The following KCTD1 variants were observed in gnomAD, a reference collection of about 807,000 sequenced individuals.
KCTD1 encodes BTB/POZ domain-containing protein KCTD1.
In KCTD1, 24 loss-of-function variants were observed where a neutral mutation model predicts 66.0. The observed-to-expected ratio is 0.36, with a 90% CI of 0.26 to 0.51. The LOEUF (loss-of-function observed/expected upper bound fraction) is 0.51, where lower values mean the gene tolerates loss of function less well. Ranked by LOEUF, KCTD1 falls within the 20% of genes least tolerant of loss-of-function variation. The pLI is 0.95. For synonymous variants in KCTD1, 511 were observed against 517.2 expected, an observed-to-expected ratio of 0.99 and a Z score of 0.16; for missense variants, 943 against 1,205.2, an observed-to-expected ratio of 0.78 and a Z score of 3.22.
chr18:26,607,506 A>T (rs1987043581), intron 1 of KCTD1, among the ~76,000 whole-genome samples: 1 of 152,246 alleles, frequency 6.6e-6, no homozygotes, highest in Non-Finnish European at 1.5e-5. Flanking sequence ...GATGTTAAGC[A>T]TATGTAATTC....
Position 26,501,150 on chromosome 18 carries a change from T to C in KCTD1, c.1910A>G (p.Asn637Ser), listed in dbSNP as rs767300513. The C allele has an allele frequency of 3.7e-6, 6 of 1,614,122 alleles. No homozygotes were observed. The highest frequency in any genetic ancestry group is 1.3e-5 in the African/African-American group (1 of 75,014). ...GCCCACATCAATGTGGACAGGCGCA[T>C]TGGATTTTGTGAGTTGTGCTGGAGT... is the stretch of plus-strand genomic sequence containing the variant. The part of the protein sequence containing the change: ...IPTPAQLTKS[N>S]APVHIDVGGH... The change falls in exon 2 of 5, where the codon AAT (asparagine) becomes AGT (serine). Residue 637 changes from asparagine (N) to serine (S), a missense_variant. This residue lies in a region of KCTD1 where 41 missense variants were observed against 103.8 expected (regional missense o/e 0.39). Transcript: ENST00000580059.
chr18:26,459,758 A>T lies in KCTD1; in HGVS notation c.2301T>A (p.Gly767=), dbSNP rs1261247060. 2 of 1,614,172 alleles carry T rather than the reference A, an allele frequency of 1.2e-6. No homozygotes were observed. Among genetic ancestry groups the T allele is most frequent in the Non-Finnish European group, 1.7e-6 (2 of 1,180,030 alleles). The part of the protein sequence containing the change: ...PDLGERITLS[G]DKSLIEEVFP... The stretch of plus-strand genomic sequence containing the variant: ...ATACTTCTTCTATCAAGGATTTGTC[A>T]CCGCTTAGCGTGATCCTTTCTCCGA... The change falls in exon 4 of 5, where the codon GGT becomes GGA. Residue 767 remains glycine, a synonymous_variant. Transcript: ENST00000580059.
intron 1 of KCTD1, among the ~76,000 whole-genome samples, chr18:26,525,541 T>C (rs998763129): frequency 1.3e-5 from 2 of 152,220 alleles, no homozygotes; most frequent in Non-Finnish European, 2.9e-5. Flanking sequence ...TTGCGTGAGC[T>C]GATCCCTCTG....
At chr18:26,527,159 C>T (rs541230667) in intron 1 of KCTD1, among the ~76,000 whole-genome samples, 2 of 152,240 alleles carry the variant, frequency 1.3e-5, no homozygotes, top group South Asian at 2.1e-4. Flanking sequence ...CACATCCTCA[C>T]GGACTGGCCC....
At chr18:26,526,077 A>G (rs1163886276) in intron 1 of KCTD1, among the ~76,000 whole-genome samples, 1 of 152,168 alleles carries the variant, frequency 6.6e-6, no homozygotes, top group African/African-American at 2.4e-5. Context: ...ACAGTTTACC[A>G]GATCCTATGT....
intron 1 of KCTD1, among the ~76,000 whole-genome samples, chr18:26,613,879 C>T (rs1017584314): frequency 2.0e-5 from 3 of 152,160 alleles, no homozygotes; most frequent in Admixed American, 2.0e-4. Context: ...TTGCTCTTCT[C>T]CCAGATATTT....
chr18:26,503,337 G>A (rs1403288833), intron 1 of KCTD1, among the ~76,000 whole-genome samples: 2 of 152,128 alleles, frequency 1.3e-5, no homozygotes, highest in Non-Finnish European at 2.9e-5. Flanking sequence ...CAGTTGGTAG[G>A]AAATATGAAA....
At chr18:26,555,498 G>A (rs1985686012) in intron 1 of KCTD1, among the ~76,000 whole-genome samples, 1 of 152,198 alleles carries the variant, frequency 6.6e-6, no homozygotes, top group African/African-American at 2.4e-5. Flanking sequence ...GTCTTCAAAA[G>A]CCATGAAAAT....
intron 2 of KCTD1, among the ~76,000 whole-genome samples, chr18:26,492,638 A>AATAC (rs1567966627): frequency 7.1e-6 from 1 of 141,798 alleles, no homozygotes; most frequent in African/African-American, 3.1e-5. Context: ...TAAATAAATA[A>AATAC]ATAAATAAAT....
upstream of KCTD1, among the ~76,000 whole-genome samples, chr18:26,550,571 C>CACAG (rs1555642098): frequency 1.0e-4 from 13 of 129,758 alleles, no homozygotes; most frequent in African/African-American, 1.3e-4. This position sits in a 1 kb window ranked among gnomAD's most constrained non-coding sequence, Gnocchi z 5.4. Context: ...CACAGACACA[C>CACAG]ACACACACAC....
At chr18:26,606,904 C>T (rs1401692868) in intron 1 of KCTD1, among the ~76,000 whole-genome samples, 1 of 152,224 alleles carries the variant, frequency 6.6e-6, no homozygotes, top group African/African-American at 2.4e-5. Flanking sequence ...ATTCCTTCAC[C>T]TTAAAATGCC....
chr18:26,500,897 C>A (rs1434641678), intron 2 of KCTD1, among the ~76,000 whole-genome samples, 175 bp downstream of exon 2: 2 of 152,132 alleles, frequency 1.3e-5, no homozygotes, highest in Admixed American at 1.3e-4. Flanking sequence ...AATCCTGATT[C>A]GAAGATGTCC....
chr18:26,632,113 A>G (rs1042747315), upstream of KCTD1, among the ~76,000 whole-genome samples: 2 of 137,626 alleles, frequency 1.5e-5, no homozygotes, highest in African/African-American at 5.4e-5. Context: ...AGGCCGGTGC[A>G]GTGGCTCACA....
chr18:26,637,596 G>A (rs1291617978), intron 1 of KCTD1, among the ~76,000 whole-genome samples: 1 of 152,230 alleles, frequency 6.6e-6, no homozygotes, highest in Non-Finnish European at 1.5e-5. Flanking sequence ...CCTTTCAGTG[G>A]AGAAAGGTAG....
At chr18:26,527,344 C>A (rs1319086018) in intron 1 of KCTD1, among the ~76,000 whole-genome samples, 1 of 152,092 alleles carries the variant, frequency 6.6e-6, no homozygotes, top group Non-Finnish European at 1.5e-5. Context: ...GCTTTAGTGT[C>A]CTAATTCCAT....
upstream of KCTD1, chr18:26,549,693 A>ACAATTCGG (rs1196000753): frequency 1.0e-5 from 10 of 983,726 alleles, no homozygotes; most frequent in Middle Eastern, 1.0e-3. Context: ...TGCCGCAGCC[A>ACAATTCGG]CAATTCGGCA....
chr18:26,655,541 A>G (rs1386453399), intron 1 of KCTD1, among the ~76,000 whole-genome samples: 3 of 152,210 alleles, frequency 2.0e-5, no homozygotes, highest in African/African-American at 7.2e-5. Context: ...TTTGTACCAA[A>G]TTACTCCTGC....
chr18:26,616,453 C>T (rs1449804133), intron 1 of KCTD1, among the ~76,000 whole-genome samples: 1 of 115,130 alleles, frequency 8.7e-6, no homozygotes, highest in Non-Finnish European at 1.8e-5. Context: ...ACAGCTAATC[C>T]CTTACATACA....
chr18:26,486,149 G>A (rs139438970), intron 2 of KCTD1, among the ~76,000 whole-genome samples: 219 of 152,282 alleles, frequency 1.4e-3, no homozygotes, highest in African/African-American at 4.8e-3. Flanking sequence ...GACCTCAAGC[G>A]ATCCGCCCCA....
Sources: gnomAD v4.1 joint callset for allele counts (sites outside exome capture counted in the v4.1 genomes callset) on GRCh38, gnomAD v4.1.1 for gene constraint, gnomAD v4.1.1 regional missense constraint, Gnocchi (gnomAD v3.1) non-coding constraint, MANE v1.5 for transcripts, NCBI Gene and HGNC (gene_info 2026-07-23, HGNC 2026-07-21) for gene names.